APBA1: variants seen among roughly 807,000 people sequenced by gnomAD.
APBA1 encodes the protein amyloid beta precursor protein binding family A member 1.
In APBA1, 55 loss-of-function variants were observed where a neutral mutation model predicts 86.6. The observed-to-expected ratio is 0.64, with a 90% CI of 0.51 to 0.80. The LOEUF is 0.80. APBA1 is among the 30% of genes least tolerant of loss of function. APBA1 has a pLI of 0.00. For synonymous variants in APBA1, 511 were observed against 493.9 expected (o/e 1.03, Z -0.46); for missense variants, 1,090 against 1,183.0 (o/e 0.92, Z 1.15).
intron 2 of APBA1, among the ~76,000 whole-genome samples, chr9:69,508,911 C>T (rs55921640): frequency 0.11 from 11,024 of 101,676 alleles, 10 homozygotes; most frequent in East Asian, 0.22. Context: ...CTGGGACGCA[C>T]TCAAAGCAGT....
chr9:69,606,022 G>T (rs1256130037), intron 1 of APBA1, among the ~76,000 whole-genome samples: 1 of 152,172 alleles, frequency 6.6e-6, no homozygotes, highest in Non-Finnish European at 1.5e-5. Flanking sequence ...AAGAATATAG[G>T]CAGAGTCCTG....
At position 69,442,980 on chromosome 9, in the gene APBA1, CTT is replaced by C. The variant is rs1310160225; in HGVS notation, c.2182-1867_2182-1866del. Among the ~76,000 whole-genome samples, 10 of 152,292 alleles carry C rather than the reference CTT, an allele frequency of 6.6e-5. No individual in the cohort carries two copies. In the East Asian group the frequency reaches 1.7e-3, roughly 26 times the overall value. On this transcript the variant is annotated intron_variant, in intron 10 of 12. Coordinates refer to ENST00000265381, the MANE Select transcript of APBA1 (RefSeq NM_001163.4). ...AACAGAATCTGTAGCAAGAGTGCTT[CTT>C]GGAGTGGCAGAAATGACCTATACCC...
At chr9:69,466,103 G>C (rs1420086848) in intron 5 of APBA1, among the ~76,000 whole-genome samples, 1 of 152,174 alleles carries the variant, frequency 6.6e-6, no homozygotes, top group African/African-American at 2.4e-5. Flanking sequence ...GAGGAGTTAA[G>C]AGAAGGGCCA....
chr9:69,659,048 G>A (rs1248878549), intron 1 of APBA1, among the ~76,000 whole-genome samples: 3 of 151,902 alleles, frequency 2.0e-5, no homozygotes, highest in Admixed American at 6.6e-5. Flanking sequence ...TTTTTCCTAG[G>A]AGCATCTCCT....
intron 1 of APBA1, among the ~76,000 whole-genome samples, chr9:69,549,379 G>A (rs149736454): frequency 4.6e-5 from 7 of 152,266 alleles, no homozygotes; most frequent in East Asian, 3.9e-4. Context: ...TAAGAATGTC[G>A]TAGAGAGGAT....
intron 1 of APBA1, among the ~76,000 whole-genome samples, chr9:69,532,242 A>G (rs936611839): frequency 6.6e-6 from 1 of 152,214 alleles, no homozygotes; most frequent in Non-Finnish European, 1.5e-5. Context: ...CTATGCTGCT[A>G]TACAAAATAA....
intron 2 of APBA1, among the ~76,000 whole-genome samples, chr9:69,512,453 G>A (rs1348147356): frequency 6.6e-6 from 1 of 152,064 alleles, no homozygotes; most frequent in South Asian, 2.1e-4. Context: ...GGCAATACAG[G>A]TTTTTTTGTC....
chr9:69,666,421 C>T (rs1823841357), intron 1 of APBA1, among the ~76,000 whole-genome samples: 1 of 151,634 alleles, frequency 6.6e-6, no homozygotes, highest in East Asian at 1.9e-4. Context: ...GTCCATTGCT[C>T]TCTCTCTTTT....
chr9:69,598,020 A>G (rs1822266397), intron 1 of APBA1, among the ~76,000 whole-genome samples: 1 of 151,804 alleles, frequency 6.6e-6, no homozygotes, highest in Admixed American at 6.6e-5. Context: ...AATAGCAAAG[A>G]CTTGGAACCA....
chr9:69,537,025 T>G (rs971519668), intron 1 of APBA1, among the ~76,000 whole-genome samples: 1 of 149,332 alleles, frequency 6.7e-6, no homozygotes, highest in African/African-American at 2.5e-5. Context: ...TATGCAGTCA[T>G]CACCACTACG....
At chr9:69,669,133 G>A (rs1458749758) in intron 1 of APBA1, among the ~76,000 whole-genome samples, 1 of 152,204 alleles carries the variant, frequency 6.6e-6, no homozygotes, top group East Asian at 1.9e-4. Flanking sequence ...GATCTGAGAT[G>A]CGGGAGGCAA....
chr9:69,476,628 T>C (rs1264991223), intron 2 of APBA1, among the ~76,000 whole-genome samples: 1 of 151,384 alleles, frequency 6.6e-6, no homozygotes, highest in Non-Finnish European at 1.5e-5. Flanking sequence ...ATACCACCTG[T>C]ATTTTCCTAG....
At chr9:69,583,892 C>T (rs149950447) in intron 1 of APBA1, among the ~76,000 whole-genome samples, 2 of 152,322 alleles carry the variant, frequency 1.3e-5, no homozygotes, top group East Asian at 3.9e-4. Context: ...GATAATGGTA[C>T]CTAATGTGAA....
chr9:69,534,473 C>T (rs1339743222), intron 1 of APBA1, among the ~76,000 whole-genome samples: 1 of 152,140 alleles, frequency 6.6e-6, no homozygotes, highest in Non-Finnish European at 1.5e-5. Flanking sequence ...CAAAAGATAT[C>T]AGAATCTCCA....
At chr9:69,588,039 AAAAAGAAAG>A (rs1398020309) in intron 1 of APBA1, among the ~76,000 whole-genome samples, 15 of 151,180 alleles carry the variant, frequency 9.9e-5, no homozygotes, top group African/African-American at 3.6e-4. Context: ...AAAAAAAAAA[AAAAAGAAAG>A]AAAAAGAAAG....
intron 2 of APBA1, among the ~76,000 whole-genome samples, chr9:69,512,506 G>A (rs1047162412): frequency 4.6e-5 from 7 of 152,058 alleles, no homozygotes; most frequent in African/African-American, 1.7e-4. Context: ...TTGCCATTTT[G>A]AGAATGCAAA....
In APBA1 at chr9:69,517,042, G is replaced by A. The variant is rs767728658; in HGVS notation, c.169C>T (p.Leu57Phe). ...CCGAGCTGGGCGCGGAGGTCCTCGA[G>A]GGCTCGCCCGCGCTGGTGGCGGCCC... ...YVGRHQRGRA[L>F]EDLRAQLGQE... Residue 57 changes from leucine to phenylalanine, a missense_variant, in exon 2 of 13, where the codon CTC (leucine) becomes TTC (phenylalanine). This residue lies in a region of APBA1 where 678 missense variants were observed against 647.1 expected (regional missense o/e 1.05). Coordinates refer to ENST00000265381, the MANE Select transcript of APBA1 (RefSeq NM_001163.4). 16 of 1,580,976 alleles carry A rather than the reference G, an allele frequency of 1.0e-5. No homozygotes were observed. The highest frequency in any genetic ancestry group is 4.0e-5 in the African/African-American group (3 of 74,380).
At chr9:69,442,101 G>A (rs1463858828) in intron 10 of APBA1, among the ~76,000 whole-genome samples, 1 of 152,200 alleles carries the variant, frequency 6.6e-6, no homozygotes, top group African/African-American at 2.4e-5. Context: ...CCTAGAGGAG[G>A]GTGCCAGGCA....
chr9:69,609,470 TTC>T (rs2133980711), intron 1 of APBA1, among the ~76,000 whole-genome samples: 1 of 152,370 alleles, frequency 6.6e-6, no homozygotes, highest in South Asian at 2.1e-4. Flanking sequence ...AATTATGTAA[TTC>T]TCTTACATTT....
Sources: allele counts gnomAD v4.1 joint callset (sites outside exome capture counted in the v4.1 genomes callset), GRCh38; gene constraint gnomAD v4.1.1; regional missense constraint gnomAD v4.1.1; transcripts MANE v1.5; gene names NCBI Gene and HGNC (gene_info 2026-07-23, HGNC 2026-07-21).